SLC28A1: variants seen among roughly 807,000 people sequenced by gnomAD.
SLC28A1 encodes sodium/nucleoside cotransporter 1.
In SLC28A1, 64 loss-of-function variants were observed where a neutral mutation model predicts 74.8. That is an observed-to-expected ratio of 0.86 (90% CI 0.70 to 1.05). The LOEUF is 1.05. SLC28A1 is among the 50% of genes least tolerant of loss of function. SLC28A1 has a pLI of 0.00. For missense variants in SLC28A1, 828 were observed against 822.8 expected (o/e 1.01, Z -0.08); for synonymous variants, 359 against 335.0 (o/e 1.07, Z -0.78).
At chr15:84,972,236 G>T in the SLC28A1 span, among the ~76,000 whole-genome samples, 3 of 152,182 alleles carry the variant, frequency 2.0e-5, no homozygotes, top group African/African-American at 7.2e-5. Context: ...TTGGTTGGAG[G>T]AAAGGGATGG....
rs576370745 is a variant in SLC28A1, at chr15:84,941,822, G to C, written c.1582-1623G>C. ...AGGAGGCAGAAGTTTTCAAAAAAAG[G>C]AAAGAAAGAAAAAGAAAGTTATCTG... On this transcript the variant is annotated intron_variant, in intron 15 of 18. Transcript: ENST00000394573. 5.1e-3 allele frequency among the ~76,000 whole-genome samples: 780 copies of C among 152,106 alleles called. 7 individuals carry two copies. Among genetic ancestry groups the C allele is most frequent in the African/African-American group, 0.017 (701 of 41,512 alleles).
At chr15:84,960,068 T>C in the SLC28A1 span, among the ~76,000 whole-genome samples, 4 of 152,044 alleles carry the variant, frequency 2.6e-5, no homozygotes, top group African/African-American at 9.7e-5. Flanking sequence ...AGAAGAATCT[T>C]CCAGTCTCCT....
At chr15:84,934,433 G>A (rs1283438798) in intron 13 of SLC28A1, among the ~76,000 whole-genome samples, 4 of 152,144 alleles carry the variant, frequency 2.6e-5, no homozygotes, top group African/African-American at 7.2e-5. Flanking sequence ...CTAACATCCC[G>A]TCATAGTCTT....
rs555662166 is a variant in SLC28A1, at chr15:84,945,371, A to T, written c.*171A>T. On this transcript the variant is annotated 3_prime_UTR_variant, in exon 19 of 19. Transcript: ENST00000394573. Reference sequence around the variant, plus strand: ...GGAGTGAGTGTGCAGAGAGTGAGTGAGGACATAAGGAAGGACATGTCCCAC... The same window carrying T: ...GGAGTGAGTGTGCAGAGAGTGAGTGTGGACATAAGGAAGGACATGTCCCAC... 95 of 680,526 alleles carry T rather than the reference A, an allele frequency of 1.4e-4. No individual in the cohort carries two copies. In the African/African-American group the frequency reaches 1.4e-3, roughly 10 times the overall value. The allele number at this position is 680,526 out of a possible 1,614,324, so 42.2% of individuals were successfully genotyped here.
chr15:84,899,691 A>G (rs1456606879), intron 6 of SLC28A1, among the ~76,000 whole-genome samples: 6 of 152,210 alleles, frequency 3.9e-5, no homozygotes, highest in Non-Finnish European at 8.8e-5. Context: ...TCTTTCAGTC[A>G]TACAAAAGCT....
chr15:84,910,703 G>A (rs542463889), intron 9 of SLC28A1, among the ~76,000 whole-genome samples: 23 of 152,258 alleles, frequency 1.5e-4, no homozygotes, highest in South Asian at 1.2e-3. Flanking sequence ...ACTCCAGCCT[G>A]GGCAACAAGA....
At chr15:84,908,031 G>T (rs999953253) in intron 8 of SLC28A1, among the ~76,000 whole-genome samples, 4 of 152,172 alleles carry the variant, frequency 2.6e-5, no homozygotes, top group Admixed American at 6.5e-5. Flanking sequence ...AAGGCCACAA[G>T]CCCGGGATGG....
At chr15:84,903,613 C>T (rs1342975950) in intron 6 of SLC28A1, among the ~76,000 whole-genome samples, 2 of 152,150 alleles carry the variant, frequency 1.3e-5, no homozygotes, top group Non-Finnish European at 2.9e-5. Flanking sequence ...GTCTCAGGTG[C>T]TCAGCTTGGA....
At position 84,895,078 on chromosome 15, in the gene SLC28A1, T is replaced by G; in HGVS notation, c.416T>G (p.Phe139Cys). The G allele has an allele frequency of 6.3e-7, 1 of 1,599,798 alleles. No homozygotes were observed. The highest frequency in any genetic ancestry group is 1.4e-5 in the African/African-American group (1 of 70,844). Residue 139 changes from phenylalanine to cysteine, a missense_variant, in exon 6 of 19, where the codon TTT becomes TGT. This residue lies in a region of SLC28A1 where 767 missense variants were observed against 753.5 expected (regional missense o/e 1.02). Transcript: ENST00000394573. ...CTTCTGGGGCCAAAGCTGAGGAGGT[T>G]TCTCAAGCCTCAGGGCCATCCCCGC... ...KRLLGPKLRR[F>C]LKPQGHPRLL...
At chr15:84,887,006 C>G (rs1336801890) in intron 2 of SLC28A1, among the ~76,000 whole-genome samples, 4 of 152,210 alleles carry the variant, frequency 2.6e-5, no homozygotes, top group African/African-American at 9.7e-5. Context: ...AGTTACCACT[C>G]TTATTTACAG....
At position 84,884,770 on chromosome 15, in the gene SLC28A1, A is replaced by G; in HGVS notation, c.-133+19A>G. Reference sequence around the variant, plus strand: ...AACAAGGGTGAGAGAAAAGGACAGTAGGAGAGGAGGGAAGGCGGGACTGAA... The same window carrying G: ...AACAAGGGTGAGAGAAAAGGACAGTGGGAGAGGAGGGAAGGCGGGACTGAA... On this transcript the variant is annotated intron_variant, in intron 1 of 18. Transcript: ENST00000394573. 2.0e-6 allele frequency: 2 copies of G among 983,474 alleles called. No homozygotes were observed. The highest frequency in any genetic ancestry group is 2.4e-6 in the Non-Finnish European group (2 of 828,150). The allele number at this position is 983,474 out of a possible 1,614,324, so 60.9% of individuals were successfully genotyped here. A position where few individuals can be genotyped will look rare whatever the true frequency, so the allele number is the denominator to read the frequency against.
chr15:84,944,883 G>GT lies in SLC28A1; in HGVS notation c.1874+17dup, dbSNP rs2079143650. 1 of 1,566,392 alleles carries GT rather than the reference G, an allele frequency of 6.4e-7. No individual in the cohort carries two copies. The highest frequency in any genetic ancestry group is 8.8e-7 in the Non-Finnish European group (1 of 1,136,964). On this transcript the variant is annotated intron_variant, in intron 18 of 18. Transcript: ENST00000394573. ...CCTTCCAGAGGTGAGGGCCTGGGCT[G>GT]TGGGACCTGCAGGGCACCCACAGTG...
In SLC28A1 at chr15:84,935,326, C is replaced by G. The variant is rs1465637315; in HGVS notation, c.1389C>G (p.Ile463Met). ...VDIQGLSFQL[I>M]CSYILRPVAF... ...CCATACCGTTGTGCCCTCAGCTCAT[C>G]TGCTCCTACATCCTGCGGCCTGTAG... Residue 463 changes from isoleucine to methionine, a missense_variant, in exon 15 of 19, where the codon ATC becomes ATG. By Grantham distance (10) the Ile-to-Met change is conservative. Coordinates refer to ENST00000394573, the MANE Select transcript of SLC28A1 (RefSeq NM_004213.5). 3 of 1,614,082 alleles carry G rather than the reference C, an allele frequency of 1.9e-6. No homozygotes were observed. The African/African-American group carries it at 4.0e-5, about 22-fold the overall frequency.
chr15:84,908,853 T>C, intron 9 of SLC28A1, 58 bp downstream of exon 9: 1 of 1,416,526 alleles, frequency 7.1e-7, no homozygotes, highest in African/African-American at 1.4e-5. Flanking sequence ...CGACTCCAGC[T>C]AGAGGGGAGT....
intron 5 of SLC28A1, among the ~76,000 whole-genome samples, chr15:84,892,651 T>G (rs920196307): frequency 9.2e-5 from 14 of 152,346 alleles, no homozygotes; most frequent in Middle Eastern, 3.4e-3. Flanking sequence ...TTTCAATATC[T>G]TTATTACATC....
At chr15:84,895,558 C>T (rs1965905206) in intron 6 of SLC28A1, 1 of 1,539,292 alleles carries the variant, frequency 6.5e-7, no homozygotes. Context: ...CAGCAGCGTC[C>T]TTGGACAACA....
At chr15:84,922,961 G>A (rs11630512) in intron 11 of SLC28A1, among the ~76,000 whole-genome samples, 34,990 of 152,166 alleles carry the variant, frequency 0.23, 4,796 homozygotes, top group Middle Eastern at 0.4. Context: ...TTCTGAGATG[G>A]AGTCTCGCTC....
chr15:84,936,908 C>T (rs1284900769), intron 15 of SLC28A1, among the ~76,000 whole-genome samples: 5 of 151,828 alleles, frequency 3.3e-5, no homozygotes, highest in Non-Finnish European at 5.9e-5. Context: ...TTAAAAATTG[C>T]GGGGTGCAGT....
chr15:84,939,814 A>C (rs533366539), intron 15 of SLC28A1: 1 of 152,082 alleles, frequency 6.6e-6, no homozygotes, highest in South Asian at 2.1e-4. Context: ...TGAGTGGTAT[A>C]TATGTATGTA....
Sources: gnomAD v4.1 joint callset for allele counts (sites outside exome capture counted in the v4.1 genomes callset) on GRCh38, gnomAD v4.1.1 for gene constraint, gnomAD v4.1.1 regional missense constraint, MANE v1.5 for transcripts, NCBI Gene and HGNC (gene_info 2026-07-23, HGNC 2026-07-21) for gene names.